Variants in SMAD6 observed in about 807,000 individuals in gnomAD.
SMAD6 encodes MAD homolog 6.
SMAD6 carries 103 observed loss-of-function variants against 39.4 expected under a neutral mutation model. The ratio of observed to expected loss-of-function variants is 2.62; its 90% CI spans 2.23 to 3.08. The LOEUF is 3.08. SMAD6 is among the 30% of genes most tolerant of loss of function. The probability of loss-of-function intolerance (pLI) is 0.00; values close to 1 mark genes in which losing one functional copy is unlikely to be tolerated. For missense variants in SMAD6, 1,104 were observed against 742.9 expected (o/e 1.49, Z -5.65); for synonymous variants, 445 against 353.3 (o/e 1.26, Z -2.91).
At position 66,781,142 on chromosome 15, in the gene SMAD6, C is replaced by T. The variant is rs544068352; in HGVS notation, c.1098C>T (p.Phe366=). The change falls in exon 4 of 4, where the codon TTC becomes TTT. Residue 366 remains phenylalanine, a synonymous_variant. Coordinates refer to ENST00000288840, the MANE Select transcript of SMAD6 (RefSeq NM_005585.5). Reference sequence around the variant, plus strand: ...ACGACCTACCTCAGGGCAGCGGCTTCTGCCTGGGCCAGCTCAACCTGGAGC... The same window carrying T: ...ACGACCTACCTCAGGGCAGCGGCTTTTGCCTGGGCCAGCTCAACCTGGAGC... ...IFYDLPQGSG[F]CLGQLNLEQR... 2.5e-6 allele frequency: 4 copies of T among 1,608,404 alleles called. No individual in the cohort carries two copies. In the East Asian group the frequency reaches 8.9e-5, roughly 36 times the overall value.
chr15:66,714,040 C>G (rs1352494094), intron 2 of SMAD6, among the ~76,000 whole-genome samples: 2 of 152,182 alleles, frequency 1.3e-5, no homozygotes, highest in East Asian at 1.9e-4. Context: ...TCAGCATTTC[C>G]TAAGTCAGCA....
Position 66,704,047 on chromosome 15 carries a change from C to T in SMAD6, c.789C>T (p.Pro263=), listed in dbSNP as rs1473917354. 2.0e-6 allele frequency: 3 copies of T among 1,510,528 alleles called. No individual in the cohort carries two copies. The highest frequency in any genetic ancestry group is 2.6e-6 in the Non-Finnish European group (3 of 1,138,578). 93.6% of individuals were successfully genotyped at this position (1,510,528 alleles called of 1,614,324 possible). ...AADGPTVCCN[P]YHFSRLCGPE... ...ACGGCCCTACCGTGTGCTGCAACCC[C>T]TACCACTTCAGCCGGCTCTGCGGGC... Residue 263 remains proline (P), a synonymous_variant, in exon 1 of 4, where the codon CCC becomes CCT. Transcript: ENST00000288840.
At chr15:66,726,320 C>T (rs1035202451) in intron 3 of SMAD6, among the ~76,000 whole-genome samples, 1 of 152,162 alleles carries the variant, frequency 6.6e-6, no homozygotes, top group African/African-American at 2.4e-5. Context: ...ACTGCCCCTT[C>T]CCTCTGAGGG....
intron 3 of SMAD6, among the ~76,000 whole-genome samples, chr15:66,723,432 A>T (rs891508243): frequency 6.6e-6 from 1 of 152,192 alleles, no homozygotes; most frequent in African/African-American, 2.4e-5. Flanking sequence ...TTGTGCCTGT[A>T]ATCCCAGGCT....
Position 66,704,022 on chromosome 15 carries a change from A to T in SMAD6, c.764A>T (p.Asp255Val). The T allele has an allele frequency of 6.6e-7, 1 of 1,505,662 alleles. No individual in the cohort carries two copies. Among genetic ancestry groups the T allele is most frequent in the Non-Finnish European group, 8.8e-7 (1 of 1,136,342 alleles). 93.3% of individuals were successfully genotyped at this position (1,505,662 alleles called of 1,614,324 possible). ...CGCHSFAAAA[D>V]GPTVCCNPYH... ...TGCCACAGCTTCGCCGCCGCCGCCG[A>T]CGGCCCTACCGTGTGCTGCAACCCC... Residue 255 changes from aspartate (D) to valine (V), a missense_variant, in exon 1 of 4, where the codon GAC (aspartate) becomes GTC (valine). Transcript: ENST00000288840.
intron 1 of SMAD6, among the ~76,000 whole-genome samples, chr15:66,710,083 CAG>C (rs1229151310): frequency 6.6e-6 from 1 of 152,200 alleles, no homozygotes; most frequent in Non-Finnish European, 1.5e-5. Flanking sequence ...GGTGGCAGAG[CAG>C]AGTCAGGCCT....
chr15:66,734,992 G>A lies in SMAD6; in HGVS notation c.952+18494G>A, dbSNP rs567201040. Among the ~76,000 whole-genome samples, 4 of 152,340 alleles carry A rather than the reference G, an allele frequency of 2.6e-5. No homozygotes were observed. In the East Asian group the frequency reaches 7.7e-4, roughly 29 times the overall value. On this transcript the variant is annotated intron_variant, in intron 3 of 3. Coordinates refer to ENST00000288840, the MANE Select transcript of SMAD6 (RefSeq NM_005585.5). ...GCTGTGTCTCCCAGCAGGTAGGACC[G>A]CCCAGGGTCCCAGCAGAAGGGTGTG...
chr15:66,748,999 A>G (rs999900359), intron 3 of SMAD6, among the ~76,000 whole-genome samples: 3 of 152,166 alleles, frequency 2.0e-5, no homozygotes, highest in Non-Finnish European at 4.4e-5. Flanking sequence ...TTGGTTCCCC[A>G]GGTGCTTCTG....
At chr15:66,757,749 G>A (rs1193901629) in intron 3 of SMAD6, among the ~76,000 whole-genome samples, 1 of 152,236 alleles carries the variant, frequency 6.6e-6, no homozygotes, top group East Asian at 1.9e-4. Context: ...CCTGAGCGCC[G>A]CATTCTGCTC....
intron 3 of SMAD6, among the ~76,000 whole-genome samples, chr15:66,751,962 C>T (rs944348243): frequency 6.6e-6 from 1 of 151,850 alleles, no homozygotes; most frequent in Non-Finnish European, 1.5e-5. Context: ...CTACTCCTTC[C>T]GTAGGAAGCT....
chr15:66,719,024 C>T (rs1265351150), intron 3 of SMAD6, among the ~76,000 whole-genome samples: 1 of 152,208 alleles, frequency 6.6e-6, no homozygotes, highest in African/African-American at 2.4e-5. Context: ...TTTATCGACA[C>T]TCACTACATG....
intron 3 of SMAD6, among the ~76,000 whole-genome samples, chr15:66,721,513 C>G (rs142423568): frequency 4.9e-4 from 75 of 152,348 alleles, no homozygotes; most frequent in Admixed American, 1.1e-3. Flanking sequence ...AGCATGGGCT[C>G]TGCACCAGTG....
chr15:66,734,336 A>G (rs1893678324), intron 3 of SMAD6, among the ~76,000 whole-genome samples: 1 of 152,182 alleles, frequency 6.6e-6, no homozygotes, highest in South Asian at 2.1e-4. Flanking sequence ...AAAACACTGG[A>G]ACGCATTAAT....
rs78242851 is a variant in SMAD6, at chr15:66,730,258, A to G, written c.952+13760A>G. ...GGTCATTGGGGAGAAGTTGGGGTAG[A>G]GGGATTTGCTGGTTCCTCTCTTTCT... On this transcript the variant is annotated intron_variant, in intron 3 of 3. Transcript: ENST00000288840. Among the ~76,000 whole-genome samples the G allele has an allele frequency of 4.6e-3, 698 of 152,214 alleles. 3 individuals carry two copies. Among genetic ancestry groups the G allele is most frequent in the African/African-American group, 0.016 (664 of 41,528 alleles).
chr15:66,722,712 A>G (rs1893455359), intron 3 of SMAD6, among the ~76,000 whole-genome samples: 1 of 152,056 alleles, frequency 6.6e-6, no homozygotes, highest in Admixed American at 6.5e-5. Flanking sequence ...TTCCTTTCCT[A>G]ACACCTCCTG....
intron 3 of SMAD6, among the ~76,000 whole-genome samples, chr15:66,766,336 G>A (rs1268824216): frequency 6.6e-6 from 1 of 152,204 alleles, no homozygotes; most frequent in Non-Finnish European, 1.5e-5. Context: ...CACCGTCCAG[G>A]ACGCACTCTG....
At chr15:66,760,986 G>A (rs1001711402) in intron 3 of SMAD6, among the ~76,000 whole-genome samples, 8 of 152,170 alleles carry the variant, frequency 5.3e-5, no homozygotes, top group African/African-American at 1.2e-4. Flanking sequence ...ATAGATTCCC[G>A]GGCTCCACCC....
intron 3 of SMAD6, among the ~76,000 whole-genome samples, chr15:66,750,735 C>T (rs1027653154): frequency 8.5e-5 from 13 of 152,136 alleles, no homozygotes; most frequent in African/African-American, 1.9e-4. Flanking sequence ...CAGTCGGAGC[C>T]GAATCCCGCT....
chr15:66,716,386 G>A lies in SMAD6; in HGVS notation c.875-35G>A, dbSNP rs373548905. The A allele has an allele frequency of 2.3e-5, 35 of 1,491,854 alleles. 1 individual carries two copies. In the African/African-American group the frequency reaches 4.0e-4, roughly 17 times the overall value. The allele number at this position is 1,491,854 out of a possible 1,614,324, so 92.4% of individuals were successfully genotyped here. ...AAGAAAAAAGAGAGCGCTGCCCCAC[G>A]GCCAACTAAGTTCTCTTTTTCTTTC... On this transcript the variant is annotated intron_variant, in intron 2 of 3. Transcript: ENST00000288840.
Sources: allele counts gnomAD v4.1 joint callset (sites outside exome capture counted in the v4.1 genomes callset), GRCh38; gene constraint gnomAD v4.1.1; transcripts MANE v1.5; gene names NCBI Gene and HGNC (gene_info 2026-07-23, HGNC 2026-07-21).